MGA: variants seen among roughly 807,000 people sequenced by gnomAD.
The protein encoded by MGA is MAX dimerization protein MGA.
In MGA, 40 loss-of-function variants were observed where a neutral mutation model predicts 261.1. That is an observed-to-expected ratio of 0.15 (90% confidence interval 0.12 to 0.20). The LOEUF is 0.20. MGA is among the 10% of genes least tolerant of loss of function. The pLI, the probability that MGA is intolerant of heterozygous loss-of-function variation, is 1.00. For missense variants in MGA, 3,397 were observed against 3,630.5 expected (o/e 0.94, Z 1.65); for synonymous variants, 1,302 against 1,290.6 (o/e 1.01, Z -0.19).
intron 2 of MGA, among the ~76,000 whole-genome samples, chr15:41,672,918 TG>T (rs1429724179): frequency 3.3e-5 from 5 of 152,028 alleles, no homozygotes; most frequent in African/African-American, 1.2e-4. Context: ...ATTCAGTTAC[TG>T]ATATATGATT....
At chr15:41,704,882 C>G (rs573935007) in intron 5 of MGA, among the ~76,000 whole-genome samples, 1 of 151,906 alleles carries the variant, frequency 6.6e-6, no homozygotes, top group Non-Finnish European at 1.5e-5. Context: ...CTCTTTTCAG[C>G]TTTATCTTTA....
intron 3 of MGA, among the ~76,000 whole-genome samples, chr15:41,698,312 G>A (rs552797285): frequency 4.4e-4 from 67 of 151,784 alleles, no homozygotes; most frequent in African/African-American, 1.6e-3. Context: ...GGGACTACAG[G>A]TGTGCATCAC....
intron 22 of MGA, among the ~76,000 whole-genome samples, chr15:41,762,603 G>C (rs1427096274): frequency 6.6e-6 from 1 of 150,906 alleles, no homozygotes; most frequent in Non-Finnish European, 1.5e-5. Flanking sequence ...GAGTAGCTGG[G>C]ACTACAGCGA....
chr15:41,714,434 G>A lies in MGA; in HGVS notation c.3430+938G>A, dbSNP rs1386155943. Among the ~76,000 whole-genome samples, 10 of 152,206 alleles carry A rather than the reference G, an allele frequency of 6.6e-5. No individual in the cohort carries two copies. In the South Asian group the frequency reaches 1.9e-3, roughly 28 times the overall value. ...TATTAAAAGTGGAATTGCTGTGACA[G>A]TGTGTACATGTTAAACATTTGTAGA... On this transcript the variant is annotated intron_variant, in intron 9 of 23. Coordinates refer to ENST00000219905, the MANE Select transcript of MGA (RefSeq NM_001164273.2).
At chr15:41,724,814 C>T (rs1012900470) in intron 9 of MGA, among the ~76,000 whole-genome samples, 2 of 152,110 alleles carry the variant, frequency 1.3e-5, no homozygotes, top group African/African-American at 4.8e-5. Context: ...TCCCCACCTC[C>T]CACCCCCTTT....
chr15:41,753,192 CTGAGGTCAGGAGTT>C (rs1398781463), intron 17 of MGA, among the ~76,000 whole-genome samples: 1 of 152,082 alleles, frequency 6.6e-6, no homozygotes, highest in Non-Finnish European at 1.5e-5. Flanking sequence ...GGCGGATCAC[CTGAGGTCAGGAGTT>C]TGAGACCAGC....
At chr15:41,712,173 A>G (rs560446248) in intron 8 of MGA, among the ~76,000 whole-genome samples, 1 of 152,214 alleles carries the variant, frequency 6.6e-6, no homozygotes, top group South Asian at 2.1e-4. Context: ...TGATCTATTG[A>G]TGATGTACCT....
intron 1 of MGA, among the ~76,000 whole-genome samples, chr15:41,630,760 T>C (rs2056571726): frequency 1.3e-5 from 2 of 152,238 alleles, no homozygotes; most frequent in Admixed American, 1.3e-4. Flanking sequence ...TAGTCGGGAA[T>C]TCTATTTTAA....
intron 1 of MGA, among the ~76,000 whole-genome samples, chr15:41,666,792 G>C (rs1396004128): frequency 6.6e-6 from 1 of 152,066 alleles, no homozygotes; most frequent in African/African-American, 2.4e-5. Context: ...CTAGTCTTTT[G>C]CTGTTATAAG....
intron 1 of MGA, among the ~76,000 whole-genome samples, chr15:41,639,606 G>T (rs1396313583): frequency 6.6e-6 from 1 of 151,548 alleles, no homozygotes; most frequent in Non-Finnish European, 1.5e-5. Context: ...GTGCAGTGGC[G>T]CAATCTCGGC....
intron 1 of MGA, among the ~76,000 whole-genome samples, chr15:41,664,524 A>G (rs2057613131): frequency 6.6e-6 from 1 of 152,192 alleles, no homozygotes; most frequent in African/African-American, 2.4e-5. Flanking sequence ...CATGTAATTT[A>G]TAGGTTTGGG....
At position 41,748,279 on chromosome 15, in the gene MGA, G is replaced by A. The variant is rs186815605; in HGVS notation, c.5213-358G>A. ...AAAAAAAAAAAAATATAGACTGGGCGCGGTGGCTCACGCCTGTAATCTCAG... is the reference window on the plus strand; with the variant it reads ...AAAAAAAAAAAAATATAGACTGGGCACGGTGGCTCACGCCTGTAATCTCAG... On this transcript the variant is annotated intron_variant, in intron 15 of 23. Coordinates refer to ENST00000219905, the MANE Select transcript of MGA (RefSeq NM_001164273.2). Among the ~76,000 whole-genome samples the A allele has an allele frequency of 1.6e-3, 246 of 151,936 alleles. 2 individuals are homozygous for A. Among genetic ancestry groups the A allele is most frequent in the South Asian group, 1.7e-3 (8 of 4,812 alleles).
At chr15:41,656,832 A>C (rs901927310), upstream of MGA, among the ~76,000 whole-genome samples, 2 of 152,276 alleles carry the variant, frequency 1.3e-5, no homozygotes, top group Middle Eastern at 3.4e-3. Context: ...ACTGGAGTGC[A>C]GTGGCACAAT....
At position 41,696,790 on chromosome 15, in the gene MGA, G is replaced by C. The variant is rs776421410; in HGVS notation, c.1780G>C (p.Ala594Pro). The change falls in exon 3 of 24, where the codon GCA becomes CCA. Residue 594 changes from alanine (A) to proline (P), a missense_variant. By Grantham distance (27) the Ala-to-Pro change is conservative. Transcript: ENST00000219905. Reference sequence around the variant, plus strand: ...AAAGAGAACAACTATGCTTAAGATTGCAACAGCCGCAAAGGTAGTGAATGC... The same window carrying C: ...AAAGAGAACAACTATGCTTAAGATTCCAACAGCCGCAAAGGTAGTGAATGC... The C allele has an allele frequency of 6.2e-7, 1 of 1,604,534 alleles. No homozygotes were observed. Among genetic ancestry groups the C allele is most frequent in the African/African-American group, 1.3e-5 (1 of 74,924 alleles).
chr15:41,730,801 T>C (rs138782741), intron 11 of MGA, among the ~76,000 whole-genome samples: 1 of 152,302 alleles, frequency 6.6e-6, no homozygotes, highest in East Asian at 1.9e-4. Flanking sequence ...TCAAAGTAAA[T>C]CCCTCCTGGT....
At chr15:41,667,120 G>T (rs895975167) in intron 1 of MGA, among the ~76,000 whole-genome samples, 1 of 151,948 alleles carries the variant, frequency 6.6e-6, no homozygotes, top group African/African-American at 2.4e-5. Flanking sequence ...ACTTTAATTT[G>T]CTTTCCTCTT....
intron 5 of MGA, 98 bp from the exon 6 acceptor site, chr15:41,707,630 C>A (rs1295529486): frequency 6.2e-5 from 70 of 1,131,006 alleles, no homozygotes; most frequent in Non-Finnish European, 8.5e-5. Flanking sequence ...CTCGACCTTA[C>A]CCCCCCGCCA....
chr15:41,762,437 T>C (rs1302003773), intron 22 of MGA, 75 bp downstream of exon 22: 1 of 884,682 alleles, frequency 1.1e-6, no homozygotes, highest in Non-Finnish European at 1.7e-6. Context: ...CACCTTCTCT[T>C]GTCCACATTT....
In MGA at chr15:41,765,978, TTC is replaced by T. The variant is rs1216149769; in HGVS notation, c.7922-24_7922-23del. ...GTTAACACTAGATCTAAATGAATTT[TTC>T]TTTTTTTAATTTTTGTTTTTCAGAA... On this transcript the variant is annotated intron_variant, in intron 23 of 23. Transcript: ENST00000219905. 3.2e-6 allele frequency: 5 copies of T among 1,582,806 alleles called. No homozygotes were observed. The African/African-American group carries it at 4.1e-5, about 13-fold the overall frequency.
Sources: gnomAD v4.1 joint callset for allele counts (sites outside exome capture counted in the v4.1 genomes callset) on GRCh38, gnomAD v4.1.1 for gene constraint, MANE v1.5 for transcripts, NCBI Gene and HGNC (gene_info 2026-07-23, HGNC 2026-07-21) for gene names.